INPP5F: variants seen among roughly 807,000 people sequenced by gnomAD.
INPP5F encodes phosphatidylinositide 4-phosphatase SAC2.
A neutral mutation model predicts 137.2 loss-of-function variants in INPP5F; 97 were observed. The observed-to-expected ratio is 0.71, with a 90% CI of 0.60 to 0.84. The LOEUF (loss-of-function observed/expected upper bound fraction) is 0.84, where lower values mean the gene tolerates loss of function less well. Ranked by LOEUF, INPP5F falls within the 40% of genes least tolerant of loss-of-function variation. The pLI, the probability that INPP5F is intolerant of heterozygous loss-of-function variation, is 0.00. For missense variants in INPP5F, 1,271 were observed against 1,371.9 expected, an observed-to-expected ratio of 0.93 and a Z score of 1.16; for synonymous variants, 504 against 476.9, an observed-to-expected ratio of 1.06 and a Z score of -0.74.
chr10:119,754,997 C>T (rs1238886501), intron 2 of INPP5F, among the ~76,000 whole-genome samples: 1 of 152,216 alleles, frequency 6.6e-6, no homozygotes. Flanking sequence ...TTCCCTCCTA[C>T]TTATTCTCCA....
Position 119,827,348 on chromosome 10 carries a change from T to A in INPP5F, c.2967T>A (p.Asn989Lys), listed in dbSNP as rs1264166005. ...CTCAGCAGGCTAGTCAGGAAAGAAA[T>A]CAAATGACCAATCAAGTTTCAAATG... is the stretch of plus-strand genomic sequence containing the variant. ...SVSQQASQER[N>K]QMTNQVSNET... is the part of the protein sequence containing the mutation. Residue 989 changes from asparagine (N) to lysine (K), a missense_variant, in exon 20 of 20, where the codon AAT becomes AAA. Asn to Lys is a moderately conservative substitution (Grantham distance 94). Transcript: ENST00000650623. 10 of 1,614,086 alleles carry A rather than the reference T, an allele frequency of 6.2e-6. No homozygotes were observed. Among genetic ancestry groups the A allele is most frequent in the Non-Finnish European group, 8.5e-6 (10 of 1,180,000 alleles).
At chr10:119,798,357 TGTA>T (rs1850460581) in intron 8 of INPP5F, among the ~76,000 whole-genome samples, 183 bp from the exon 9 acceptor site, 1 of 152,172 alleles carries the variant, frequency 6.6e-6, no homozygotes, top group East Asian at 1.9e-4. Flanking sequence ...TATATTTTAG[TGTA>T]GTGTAACTGG....
At chr10:119,794,625 CGGG>C (rs1850264080) in intron 6 of INPP5F, among the ~76,000 whole-genome samples, 2 of 150,396 alleles carry the variant, frequency 1.3e-5, no homozygotes, top group African/African-American at 2.5e-5. Context: ...ACCTCCCGTA[CGGG>C]GCGGCTGGCC....
chr10:119,761,286 G>A (rs562665668), intron 2 of INPP5F, among the ~76,000 whole-genome samples: 5 of 152,232 alleles, frequency 3.3e-5, no homozygotes, highest in South Asian at 2.1e-4. Flanking sequence ...TCTATAAACC[G>A]AGACTTAGGA....
Position 119,827,933 on chromosome 10 carries a change from C to G in INPP5F, c.*153C>G. ...CGGAGTCGGAACCTGAGTAGATTTC[C>G]AAATTTTACAGCCAGGACTACAGAA... On this transcript the variant is annotated 3_prime_UTR_variant, in exon 20 of 20. Transcript: ENST00000650623. The G allele has an allele frequency of 1.6e-6, 1 of 617,586 alleles. No individual in the cohort carries two copies. Among genetic ancestry groups the G allele is most frequent in the East Asian group, 2.8e-5 (1 of 35,236 alleles). 38.3% of individuals were successfully genotyped at this position (617,586 alleles called of 1,614,324 possible).
intron 15 of INPP5F, chr10:119,814,701 A>G (rs1265661304): frequency 6.6e-6 from 1 of 152,274 alleles, no homozygotes; most frequent in Non-Finnish European, 1.5e-5. Context: ...CTCACATGGC[A>G]TGATGGACAA....
intron 1 of INPP5F, among the ~76,000 whole-genome samples, chr10:119,734,663 A>G (rs1023341381): frequency 2.0e-5 from 3 of 152,168 alleles, no homozygotes; most frequent in Non-Finnish European, 4.4e-5. Flanking sequence ...GATTCAATAC[A>G]TTCTCAGAAT....
intron 15 of INPP5F, chr10:119,819,673 T>C (rs1425919056): frequency 3.8e-6 from 2 of 523,094 alleles, no homozygotes; most frequent in Non-Finnish European, 6.4e-6. Flanking sequence ...AGAATCGATC[T>C]GTGTGTTCCC....
intron 2 of INPP5F, among the ~76,000 whole-genome samples, chr10:119,761,720 T>G (rs1032318378): frequency 6.6e-6 from 1 of 152,162 alleles, no homozygotes; most frequent in African/African-American, 2.4e-5. Flanking sequence ...TCACGTTCTG[T>G]TCACTTAAAA....
At position 119,796,796 on chromosome 10, in the gene INPP5F, T is replaced by A. The variant is rs199989664; in HGVS notation, c.751T>A (p.Ser251Thr). The A allele has an allele frequency of 5.6e-6, 9 of 1,613,516 alleles. No individual in the cohort carries two copies. The Admixed American group carries it at 1.2e-4, about 21-fold the overall frequency. ...AGAACTTGTGGTTAATTATACCGAATCATCTGATGATGAGAAAAGCAGCCC... is the reference window on the plus strand; with the variant it reads ...AGAACTTGTGGTTAATTATACCGAAACATCTGATGATGAGAAAAGCAGCCC... Reference protein sequence around the residue: ...IEELVVNYTESSDDEKSSPET... With the variant: ...IEELVVNYTETSDDEKSSPET... The change falls in exon 7 of 20, where the codon TCA (serine) becomes ACA (threonine). Residue 251 changes from serine (S) to threonine (T), a missense_variant. By Grantham distance (58) the Ser-to-Thr change is moderately conservative. Coordinates refer to ENST00000650623, the MANE Select transcript of INPP5F (RefSeq NM_014937.4).
At chr10:119,738,648 T>TACACACACACACACAC (rs57713774) in intron 1 of INPP5F, among the ~76,000 whole-genome samples, 2 of 150,232 alleles carry the variant, frequency 1.3e-5, no homozygotes, top group African/African-American at 4.9e-5. Flanking sequence ...AGATTTTAAA[T>TACACACACACACACAC]ACACACACAC....
chr10:119,750,930 A>C (rs1016585038), intron 1 of INPP5F, 146 bp from the exon 2 acceptor site: 5 of 636,136 alleles, frequency 7.9e-6, no homozygotes, highest in Non-Finnish European at 1.4e-5. Flanking sequence ...ACTTTGTCAC[A>C]AATTGCTTTA....
At chr10:119,739,911 AC>A (rs1354061207) in intron 1 of INPP5F, among the ~76,000 whole-genome samples, 3 of 152,086 alleles carry the variant, frequency 2.0e-5, no homozygotes, top group Non-Finnish European at 4.4e-5. Context: ...AAGCTACCAC[AC>A]CCAGTCAGTA....
chr10:119,808,164 G>A (rs1258248384), intron 13 of INPP5F, 104 bp downstream of exon 13: 1 of 1,355,466 alleles, frequency 7.4e-7, no homozygotes, highest in Non-Finnish European at 1.0e-6. Flanking sequence ...GCAGATGTGT[G>A]TAGTTGACTC....
At chr10:119,794,877 GGGGCGGCTGGCC>G (rs1193266335) in intron 6 of INPP5F, among the ~76,000 whole-genome samples, 1 of 121,600 alleles carries the variant, frequency 8.2e-6, no homozygotes, top group African/African-American at 2.9e-5. Context: ...CCTCCCGGAC[GGGGCGGCTGGCC>G]GGGCGGGGGG....
Position 119,827,706 on chromosome 10 carries a change from A to G in INPP5F, c.3325A>G (p.Ile1109Val). 8.1e-6 allele frequency: 13 copies of G among 1,613,904 alleles called. No individual in the cohort carries two copies. The highest frequency in any genetic ancestry group is 1.0e-5 in the Non-Finnish European group (12 of 1,179,790). ...TCAGAAGAGTCCTCCAGAACCTGAA[A>G]TCATTAATCAAGTCCAGCAAAATGA... is the stretch of plus-strand genomic sequence containing the variant. ...KVQKSPPEPEIINQVQQNELK... is the reference protein window; with the variant it reads ...KVQKSPPEPEVINQVQQNELK... Residue 1109 changes from isoleucine (I) to valine (V), a missense_variant, in exon 20 of 20, where the codon ATC becomes GTC. Transcript: ENST00000650623.
chr10:119,797,568 A>G lies in INPP5F; in HGVS notation c.976A>G (p.Thr326Ala). 1 of 1,613,408 alleles carries G rather than the reference A, an allele frequency of 6.2e-7. No homozygotes were observed. The highest frequency in any genetic ancestry group is 8.5e-7 in the Non-Finnish European group (1 of 1,179,682). ...VHNHTLSFVQ[T>A]RGSVPVFWSQ... ...TAATCATACCCTGTCATTTGTTCAA[A>G]CACGAGGCTCTGTGCCTGTCTTTTG... is the stretch of plus-strand genomic sequence containing the variant. The change falls in exon 8 of 20, where the codon ACA (threonine) becomes GCA (alanine). Residue 326 changes from threonine to alanine, a missense_variant. Physicochemically the swap from Thr to Ala is moderately conservative, Grantham distance 58. Transcript: ENST00000650623.
intron 9 of INPP5F, among the ~76,000 whole-genome samples, chr10:119,801,426 A>C (rs1326942049): frequency 6.6e-6 from 1 of 152,228 alleles, no homozygotes; most frequent in African/African-American, 2.4e-5. Flanking sequence ...TGATAACAGG[A>C]GTTACCTCCA....
chr10:119,806,243 T>A (rs1481668468), intron 11 of INPP5F, 117 bp from the exon 12 acceptor site: 1 of 652,392 alleles, frequency 1.5e-6, no homozygotes, highest in Non-Finnish European at 2.5e-6. Flanking sequence ...CATATAAAGA[T>A]ACACCAAGCA....
Sources: gnomAD v4.1 joint callset for allele counts (sites outside exome capture counted in the v4.1 genomes callset) on GRCh38, gnomAD v4.1.1 for gene constraint, MANE v1.5 for transcripts, NCBI Gene and HGNC (gene_info 2026-07-23, HGNC 2026-07-21) for gene names.